The following CDH18 variants were observed in gnomAD, a reference collection of about 807,000 sequenced individuals.
CDH18 encodes cadherin-18.
A neutral mutation model predicts 67.9 loss-of-function variants in CDH18; 31 were observed. The ratio of observed to expected loss-of-function variants is 0.46; its 90% CI spans 0.34 to 0.62. CDH18 has a LOEUF of 0.62. Ranked by LOEUF, CDH18 falls within the 20% of genes least tolerant of loss-of-function variation. The pLI, the probability that CDH18 is intolerant of heterozygous loss-of-function variation, is 0.01. For synonymous variants in CDH18, 362 were observed against 347.2 expected, an observed-to-expected ratio of 1.04 and a Z score of -0.48; for missense variants, 890 against 975.5, an observed-to-expected ratio of 0.91 and a Z score of 1.17.
intron 3 of CDH18, among the ~76,000 whole-genome samples, chr5:19,786,922 C>T (rs2149800203): frequency 6.6e-6 from 1 of 152,170 alleles, no homozygotes; most frequent in East Asian, 1.9e-4. Flanking sequence ...GGCAGTATTG[C>T]TAACCTCTAG....
At chr5:19,899,793 G>A (rs1486885274) in intron 2 of CDH18, among the ~76,000 whole-genome samples, 3 of 152,108 alleles carry the variant, frequency 2.0e-5, no homozygotes, top group Non-Finnish European at 4.4e-5. Flanking sequence ...CCACAACGTG[G>A]GTGAATCTGG....
chr5:19,748,923 C>T (rs913672302), intron 3 of CDH18, among the ~76,000 whole-genome samples: 3 of 151,844 alleles, frequency 2.0e-5, no homozygotes, highest in African/African-American at 7.3e-5. Context: ...ACAGATGAAA[C>T]CATTTAAAAA....
Position 19,839,142 on chromosome 5 carries a change from G to T in CDH18, c.-156C>A. On this transcript the variant is annotated 5_prime_UTR_variant, in exon 3 of 13. Transcript: ENST00000382275. ...ATGATTTAACTGTCCATCAGGGAAA[G>T]GTCAGATCATATTTACATTCTGAAC... 1.7e-6 allele frequency: 1 copy of T among 605,398 alleles called. No homozygotes were observed. Among genetic ancestry groups the T allele is most frequent in the Non-Finnish European group, 2.9e-6 (1 of 339,806 alleles). 37.5% of individuals were successfully genotyped at this position (605,398 alleles called of 1,614,324 possible).
chr5:20,011,665 G>C (rs1262281899), intron 2 of CDH18, among the ~76,000 whole-genome samples: 3 of 152,028 alleles, frequency 2.0e-5, no homozygotes. Context: ...TTAACATGAG[G>C]GGATGTTGAA....
chr5:20,323,125 A>G (rs1738197851), intron 1 of CDH18, among the ~76,000 whole-genome samples: 1 of 152,174 alleles, frequency 6.6e-6, no homozygotes, highest in Non-Finnish European at 1.5e-5. Flanking sequence ...CAAGCACTTG[A>G]AAACAAGCTA....
At chr5:19,760,989 A>T (rs1009470969) in intron 3 of CDH18, among the ~76,000 whole-genome samples, 3 of 152,130 alleles carry the variant, frequency 2.0e-5, no homozygotes, top group Admixed American at 2.0e-4. Context: ...AATATTCACC[A>T]GAGTTTACAA....
chr5:19,849,979 T>G (rs1044342157), intron 2 of CDH18, among the ~76,000 whole-genome samples: 1 of 151,796 alleles, frequency 6.6e-6, no homozygotes, highest in Non-Finnish European at 1.5e-5. Context: ...CCAGCATCTT[T>G]TTCTAACACA....
At chr5:20,068,044 T>C (rs76678649) in intron 2 of CDH18, among the ~76,000 whole-genome samples, 9,401 of 152,098 alleles carry the variant, frequency 0.062, 306 homozygotes, top group East Asian at 0.14. Context: ...TTACAATTTA[T>C]AAACCCCTGT....
intron 6 of CDH18, among the ~76,000 whole-genome samples, chr5:19,598,724 A>ATAAT (rs1746574932): frequency 1.3e-5 from 2 of 152,188 alleles, no homozygotes; most frequent in Non-Finnish European, 2.9e-5. Context: ...CAACTGTTAA[A>ATAAT]TAATTATGTT....
intron 1 of CDH18, among the ~76,000 whole-genome samples, chr5:20,456,675 C>T (rs963817838): frequency 1.7e-4 from 25 of 150,828 alleles, no homozygotes; most frequent in African/African-American, 5.6e-4. Flanking sequence ...AAACTGGAAA[C>T]ATATCAATAT....
chr5:20,474,848 C>G (rs1752327721), intron 1 of CDH18, among the ~76,000 whole-genome samples: 1 of 152,142 alleles, frequency 6.6e-6, no homozygotes, highest in Admixed American at 6.5e-5. Context: ...TTATTTGCAA[C>G]CAAATAACCT....
chr5:19,968,896 G>T lies in CDH18; in HGVS notation c.-257+12164C>A, dbSNP rs1273075214. Among the ~76,000 whole-genome samples, 11 of 142,500 alleles carry T rather than the reference G, an allele frequency of 7.7e-5. No homozygotes were observed. In the East Asian group the frequency reaches 2.2e-3, roughly 28 times the overall value. The allele number at this position is 142,500 out of a possible 152,430, so 93.5% of individuals were successfully genotyped here. A position where few individuals can be genotyped will look rare whatever the true frequency, so the allele number is the denominator to read the frequency against. On this transcript the variant is annotated intron_variant, in intron 2 of 12. Coordinates refer to ENST00000382275, the MANE Select transcript of CDH18 (RefSeq NM_004934.5). The stretch of plus-strand genomic sequence containing the variant: ...CACAGCAAAAGAAACTACCATCAGA[G>T]TGAACAGGCAAACTACAAAATGGGA...
intron 2 of CDH18, among the ~76,000 whole-genome samples, chr5:20,020,155 G>A (rs533133217): frequency 4.7e-4 from 71 of 152,252 alleles, no homozygotes; most frequent in African/African-American, 1.6e-3. Flanking sequence ...TCAAGAAGTG[G>A]CCTGGCTGCT....
chr5:20,293,286 C>T (rs1218182098), intron 1 of CDH18, among the ~76,000 whole-genome samples: 1 of 152,066 alleles, frequency 6.6e-6, no homozygotes, highest in African/African-American at 2.4e-5. Context: ...CATTGCACTC[C>T]AGCCTTGGTG....
chr5:20,169,841 T>C (rs1173567380), intron 2 of CDH18, among the ~76,000 whole-genome samples: 3 of 152,094 alleles, frequency 2.0e-5, no homozygotes, highest in Non-Finnish European at 2.9e-5. Context: ...TTCGGAAGAA[T>C]TGGAAAACAT....
At position 19,653,445 on chromosome 5, in the gene CDH18, T is replaced by C. The variant is rs557796736; in HGVS notation, c.644-40844A>G. 2.0e-5 allele frequency among the ~76,000 whole-genome samples: 3 copies of C among 152,150 alleles called. No homozygotes were observed. In the East Asian group the frequency reaches 5.8e-4, roughly 30 times the overall value. Reference sequence around the variant, plus strand: ...TGGTACCCTCTCTGTGGTTGATGTATCCTTGCTGAATCTTTCTCAGGTACC... The same window carrying C: ...TGGTACCCTCTCTGTGGTTGATGTACCCTTGCTGAATCTTTCTCAGGTACC... On this transcript the variant is annotated intron_variant, in intron 5 of 12. Coordinates refer to ENST00000382275, the MANE Select transcript of CDH18 (RefSeq NM_004934.5).
chr5:20,236,740 A>G (rs1742501787), intron 2 of CDH18, among the ~76,000 whole-genome samples: 1 of 152,076 alleles, frequency 6.6e-6, no homozygotes, highest in Non-Finnish European at 1.5e-5. Flanking sequence ...TTCACGAGTT[A>G]ATTCTTCCAA....
intron 2 of CDH18, among the ~76,000 whole-genome samples, chr5:20,232,334 A>G (rs1174417344): frequency 6.6e-6 from 1 of 152,182 alleles, no homozygotes; most frequent in Non-Finnish European, 1.5e-5. Flanking sequence ...GGGTTCTTGA[A>G]GAGAAAGGCT....
At chr5:20,163,253 T>C (rs1320559576) in intron 2 of CDH18, among the ~76,000 whole-genome samples, 2 of 152,104 alleles carry the variant, frequency 1.3e-5, no homozygotes, top group Non-Finnish European at 1.5e-5. Flanking sequence ...TTCACCCTAA[T>C]GCCCTTATCA....
Sources: allele counts gnomAD v4.1 joint callset (sites outside exome capture counted in the v4.1 genomes callset), GRCh38; gene constraint gnomAD v4.1.1; transcripts MANE v1.5; gene names NCBI Gene and HGNC (gene_info 2026-07-23, HGNC 2026-07-21).